The following MARCHF4 variants were observed in gnomAD, a reference collection of about 807,000 sequenced individuals.
MARCHF4 encodes the protein membrane associated ring-CH-type finger 4, also known as E3 ubiquitin-protein ligase MARCHF4.
Under a neutral mutation model 43.9 loss-of-function variants are expected in MARCHF4, and 14 were observed. That is an observed-to-expected ratio of 0.32 (90% CI 0.21 to 0.50). The LOEUF is 0.50. Ranked by LOEUF, MARCHF4 falls within the 20% of genes least tolerant of loss-of-function variation. The pLI is 0.98. For missense variants in MARCHF4, 468 were observed against 536.7 expected (o/e 0.87, Z 1.27); for synonymous variants, 226 against 213.3 (o/e 1.06, Z -0.52).
chr2:216,309,459 C>T (rs1259608436), intron 1 of MARCHF4, among the ~76,000 whole-genome samples: 1 of 152,180 alleles, frequency 6.6e-6, no homozygotes, highest in Non-Finnish European at 1.5e-5. Flanking sequence ...ACGTGGTCCA[C>T]GTGAAGCTAA....
At chr2:216,312,690 T>C (rs907814098) in intron 1 of MARCHF4, among the ~76,000 whole-genome samples, 33 of 151,982 alleles carry the variant, frequency 2.2e-4, no homozygotes, top group Non-Finnish European at 5.9e-5. Flanking sequence ...ATGTCTTCTT[T>C]CGAGAAATGT....
At chr2:216,318,717 G>T (rs1691825043) in intron 1 of MARCHF4, among the ~76,000 whole-genome samples, 2 of 152,118 alleles carry the variant, frequency 1.3e-5, no homozygotes, top group Admixed American at 6.6e-5. Flanking sequence ...AGGTGCCAGG[G>T]GCTCCACTGC....
intron 1 of MARCHF4, among the ~76,000 whole-genome samples, chr2:216,352,279 A>T (rs1167444947): frequency 1.3e-5 from 2 of 152,186 alleles, no homozygotes; most frequent in Non-Finnish European, 2.9e-5. Flanking sequence ...TGGGCTAAGT[A>T]AGGCAGCCTC....
intron 1 of MARCHF4, among the ~76,000 whole-genome samples, chr2:216,297,048 T>G (rs1484934659): frequency 2.0e-5 from 3 of 152,188 alleles, no homozygotes; most frequent in Non-Finnish European, 4.4e-5. Flanking sequence ...CCTGAAATCT[T>G]GGCTCCAGTT....
chr2:216,262,723 T>G (rs917334837), intron 3 of MARCHF4, among the ~76,000 whole-genome samples: 9 of 152,298 alleles, frequency 5.9e-5, no homozygotes, highest in Non-Finnish European at 1.3e-4. Flanking sequence ...GCATCAGCCA[T>G]CCTCAATGCT....
Position 216,337,287 on chromosome 2 carries a change from G to A in MARCHF4, c.516+32458C>T, listed in dbSNP as rs553229396. On this transcript the variant is annotated intron_variant, in intron 1 of 3. Transcript: ENST00000273067. ...AGTAAAAATTTCAATAACAGGTGTT[G>A]GTTAAATGGATCAGCGGACTGTTAT... is the stretch of plus-strand genomic sequence containing the variant. Among the ~76,000 whole-genome samples, 5 of 152,322 alleles carry A rather than the reference G, an allele frequency of 3.3e-5. No homozygotes were observed. In the South Asian group the frequency reaches 1.0e-3, roughly 32 times the overall value.
At chr2:216,354,903 CTTTCTTTCTTTCTTTCTT>C (rs1311178114) in intron 1 of MARCHF4, among the ~76,000 whole-genome samples, 13 of 55,236 alleles carry the variant, frequency 2.4e-4, no homozygotes, top group African/African-American at 1.2e-3. Flanking sequence ...TTCTTTCTTT[CTTTCTTTCTTTCTTTCTT>C]TCTTTCTTTC....
At chr2:216,348,542 A>T (rs1380226174) in intron 1 of MARCHF4, among the ~76,000 whole-genome samples, 3 of 152,182 alleles carry the variant, frequency 2.0e-5, no homozygotes, top group Non-Finnish European at 4.4e-5. Context: ...ATGTGATGTC[A>T]GGAAGTCCCC....
At chr2:216,278,918 T>C (rs1453495999) in intron 2 of MARCHF4, among the ~76,000 whole-genome samples, 1 of 152,014 alleles carries the variant, frequency 6.6e-6, no homozygotes, top group African/African-American at 2.4e-5. Flanking sequence ...TAACTTGGGG[T>C]TTATTCATGC....
At chr2:216,269,061 G>A (rs1690892954) in intron 3 of MARCHF4, among the ~76,000 whole-genome samples, 1 of 152,002 alleles carries the variant, frequency 6.6e-6, no homozygotes, top group African/African-American at 2.4e-5. Context: ...CTATAATTTT[G>A]CTGATTACCA....
intron 1 of MARCHF4, among the ~76,000 whole-genome samples, chr2:216,312,227 G>A (rs1240158357): frequency 5.9e-5 from 9 of 152,112 alleles, no homozygotes; most frequent in Non-Finnish European, 8.8e-5. Flanking sequence ...TTCTGTGTCT[G>A]GGTTCCTTTA....
chr2:216,363,528 G>A lies in MARCHF4; in HGVS notation c.516+6217C>T, dbSNP rs141892089. On this transcript the variant is annotated intron_variant, in intron 1 of 3. Coordinates refer to ENST00000273067, the MANE Select transcript of MARCHF4 (RefSeq NM_020814.3). ...CCTTATCTCCCAATAGAGAATTAGA[G>A]CTTTGGTAAGAGCCTTGAGTGAAGA... Among the ~76,000 whole-genome samples, 265 of 152,326 alleles carry A rather than the reference G, an allele frequency of 1.7e-3. 2 individuals carry two copies. The South Asian group carries it at 0.036, about 21-fold the overall frequency.
chr2:216,280,368 A>G (rs62178748), intron 2 of MARCHF4, among the ~76,000 whole-genome samples: 1 of 152,088 alleles, frequency 6.6e-6, no homozygotes, highest in Admixed American at 6.5e-5. Context: ...TGTGTGCCTT[A>G]GAACAGGAAG....
At chr2:216,360,707 C>G (rs1343394638) in intron 1 of MARCHF4, among the ~76,000 whole-genome samples, 1 of 152,120 alleles carries the variant, frequency 6.6e-6, no homozygotes, top group East Asian at 1.9e-4. Flanking sequence ...TTGGTCAAAA[C>G]CCTTAGAATG....
chr2:216,289,831 C>T (rs1315886815), intron 1 of MARCHF4, among the ~76,000 whole-genome samples: 9 of 152,180 alleles, frequency 5.9e-5, no homozygotes, highest in Admixed American at 5.2e-4. Context: ...GAACACCAGC[C>T]TTGGGGTGCA....
chr2:216,259,817 T>G, intron 3 of MARCHF4, 138 bp from the exon 4 acceptor site: 2 of 842,020 alleles, frequency 2.4e-6, no homozygotes, highest in Non-Finnish European at 3.6e-6. Flanking sequence ...CATCCCTAGA[T>G]TCCCAGGCTC....
intron 1 of MARCHF4, among the ~76,000 whole-genome samples, chr2:216,307,113 C>T (rs1691599786): frequency 1.3e-5 from 2 of 152,166 alleles, no homozygotes; most frequent in Admixed American, 1.3e-4. Flanking sequence ...GTGAGTCCCA[C>T]AGCGGCCCCA....
chr2:216,297,132 C>T (rs1242243078), intron 1 of MARCHF4, among the ~76,000 whole-genome samples: 1 of 152,212 alleles, frequency 6.6e-6, no homozygotes, highest in African/African-American at 2.4e-5. Flanking sequence ...TCTGTTGACT[C>T]CAAGCTTCTG....
At chr2:216,267,094 G>A (rs925212608) in intron 3 of MARCHF4, among the ~76,000 whole-genome samples, 32 of 152,186 alleles carry the variant, frequency 2.1e-4, no homozygotes, top group African/African-American at 7.7e-4. Context: ...GAACATTTCT[G>A]GAAATTGCTC....
Sources: gnomAD v4.1 joint callset for allele counts (sites outside exome capture counted in the v4.1 genomes callset) on GRCh38, gnomAD v4.1.1 for gene constraint, MANE v1.5 for transcripts, NCBI Gene and HGNC (gene_info 2026-07-23, HGNC 2026-07-21) for gene names.